Variants in GABRA2 observed in about 807,000 individuals in gnomAD.
GABRA2 encodes the protein gamma-aminobutyric acid type A receptor subunit alpha2, also known as gamma-aminobutyric acid receptor subunit alpha-2.
GABRA2 carries 16 observed loss-of-function variants against 48.7 expected under a neutral mutation model. That is an observed-to-expected ratio of 0.33 (90% CI 0.22 to 0.50). GABRA2 has a LOEUF of 0.50. Among genes scored for constraint, GABRA2 ranks in the 20% least tolerant of loss-of-function variants. The pLI is 0.98. For synonymous variants in GABRA2, 185 were observed against 184.5 expected (o/e 1.00, Z -0.02); for missense variants, 275 against 535.6 (o/e 0.51, Z 4.80).
intron 3 of GABRA2, among the ~76,000 whole-genome samples, chr4:46,381,611 GC>G: frequency 6.6e-6 from 1 of 152,102 alleles, no homozygotes; most frequent in East Asian, 1.9e-4. Context: ...ATGTCACATT[GC>G]ACTTTCTTAA....
chr4:46,253,936 CT>C (rs1373097291), intron 9 of GABRA2, among the ~76,000 whole-genome samples: 1 of 151,468 alleles, frequency 6.6e-6, no homozygotes, highest in African/African-American at 2.4e-5. Flanking sequence ...GACTGTTTCT[CT>C]TTGTTTAAAA....
chr4:46,341,285 T>C (rs1733178948), intron 3 of GABRA2, among the ~76,000 whole-genome samples: 1 of 152,010 alleles, frequency 6.6e-6, no homozygotes. Context: ...TATTTTCCTG[T>C]TTCTTTTCAT....
At chr4:46,378,002 G>A (rs1296967635) in intron 3 of GABRA2, among the ~76,000 whole-genome samples, 44 of 148,502 alleles carry the variant, frequency 3.0e-4, no homozygotes, top group Admixed American at 8.7e-4. Context: ...TCAGCCCCCC[G>A]CCCGGCCAGC....
chr4:46,326,279 G>A (rs1483796358), intron 4 of GABRA2, among the ~76,000 whole-genome samples: 1 of 151,842 alleles, frequency 6.6e-6, no homozygotes, highest in Non-Finnish European at 1.5e-5. Context: ...AATGAATGGA[G>A]TCAAATTACT....
At chr4:46,378,866 C>T (rs545898504) in intron 3 of GABRA2, among the ~76,000 whole-genome samples, 5 of 151,950 alleles carry the variant, frequency 3.3e-5, no homozygotes, top group African/African-American at 9.7e-5. Flanking sequence ...CTGGGCCATG[C>T]ACTTTACTGA....
chr4:46,316,556 T>C (rs1181737240), intron 4 of GABRA2, among the ~76,000 whole-genome samples: 1 of 152,006 alleles, frequency 6.6e-6, no homozygotes. Flanking sequence ...AATAACAAGA[T>C]ATTTTTAAAT....
At chr4:46,260,262 AAAC>A (rs1182193555) in intron 9 of GABRA2, among the ~76,000 whole-genome samples, 1 of 151,908 alleles carries the variant, frequency 6.6e-6, no homozygotes, top group Non-Finnish European at 1.5e-5. Flanking sequence ...AAAATAACAT[AAAC>A]AACGTTAATT....
chr4:46,292,956 A>T (rs1174260073), intron 8 of GABRA2, among the ~76,000 whole-genome samples: 1 of 152,136 alleles, frequency 6.6e-6, no homozygotes, highest in Non-Finnish European at 1.5e-5. Context: ...TATAATGGGA[A>T]TAATTGGATC....
chr4:46,355,933 T>G (rs529859866), intron 3 of GABRA2, among the ~76,000 whole-genome samples: 2 of 152,328 alleles, frequency 1.3e-5, no homozygotes, highest in South Asian at 4.1e-4. Context: ...CTCTTGTTTA[T>G]ATTTCTCAAT....
At chr4:46,256,369 A>T in intron 9 of GABRA2, 2 of 650,554 alleles carry the variant, frequency 3.1e-6, no homozygotes, top group Admixed American at 2.2e-5. Context: ...CTTTTATTGA[A>T]GGGGACTACA....
At chr4:46,386,544 T>G (rs1468713342) in intron 2 of GABRA2, among the ~76,000 whole-genome samples, 2 of 152,236 alleles carry the variant, frequency 1.3e-5, no homozygotes, top group East Asian at 3.8e-4. Context: ...TATTCTACAG[T>G]TAGAAAATTC....
chr4:46,280,053 T>TAAAA (rs75721400), intron 8 of GABRA2, among the ~76,000 whole-genome samples: 81 of 150,944 alleles, frequency 5.4e-4, no homozygotes, highest in African/African-American at 1.1e-3. Context: ...AGTTTTTTTT[T>TAAAA]AAAAAATGAG....
At chr4:46,256,702 T>G (rs748537835) in intron 9 of GABRA2, among the ~76,000 whole-genome samples, 4 of 151,628 alleles carry the variant, frequency 2.6e-5, no homozygotes, top group Non-Finnish European at 4.4e-5. Context: ...TTTTCTAATT[T>G]TATTTCTATT....
chr4:46,330,674 A>G (rs1731203743), intron 4 of GABRA2, among the ~76,000 whole-genome samples: 1 of 151,486 alleles, frequency 6.6e-6, no homozygotes, highest in African/African-American at 2.4e-5. Flanking sequence ...AGTAACTGCT[A>G]CTACTGAAAT....
In GABRA2 at chr4:46,301,802, T is replaced by A. The variant is rs908162891; in HGVS notation, c.856+1658A>T. 5.3e-5 allele frequency among the ~76,000 whole-genome samples: 8 copies of A among 152,206 alleles called. No individual in the cohort carries two copies. In the East Asian group the frequency reaches 1.5e-3, roughly 29 times the overall value. On this transcript the variant is annotated intron_variant, in intron 8 of 9. Transcript: ENST00000381620. ...CCATCCCCTATACCAAGTAATTGAA[T>A]TCACTGACTATATTTTACCATATTT...
At chr4:46,339,146 G>A (rs180864598) in intron 3 of GABRA2, among the ~76,000 whole-genome samples, 138 of 151,782 alleles carry the variant, frequency 9.1e-4, no homozygotes, top group African/African-American at 3.1e-3. Context: ...ATTTATTATT[G>A]TTTTCTGTTT....
intron 8 of GABRA2, among the ~76,000 whole-genome samples, chr4:46,263,912 T>TTC (rs3068324): frequency 0.031 from 4,463 of 145,006 alleles, 127 homozygotes; most frequent in East Asian, 0.15. Flanking sequence ...ATTAGATCAA[T>TTC]TCTCTCTCTC....
At position 46,306,971 on chromosome 4, in the gene GABRA2, T is replaced by G. The variant is rs1400373006; in HGVS notation, c.560-1260A>C. ...GCAATGTTGTCTGGTTTTCTGAATGTTGCTACTAAATGTTAGTATCAGTGA... is the reference window on the plus strand; with the variant it reads ...GCAATGTTGTCTGGTTTTCTGAATGGTGCTACTAAATGTTAGTATCAGTGA... On this transcript the variant is annotated intron_variant, in intron 6 of 9. Coordinates refer to ENST00000381620, the MANE Select transcript of GABRA2 (RefSeq NM_000807.4). Among the ~76,000 whole-genome samples, 6 of 152,290 alleles carry G rather than the reference T, an allele frequency of 3.9e-5. 1 individual carries two copies. The highest frequency in any genetic ancestry group is 1.4e-4 in the African/African-American group (6 of 41,572).
chr4:46,373,700 T>A (rs1715274910), intron 3 of GABRA2, among the ~76,000 whole-genome samples: 1 of 152,148 alleles, frequency 6.6e-6, no homozygotes, highest in South Asian at 2.1e-4. Context: ...TAAAAGTGAC[T>A]CTACATTAAC....
Sources: gnomAD v4.1 joint callset for allele counts (sites outside exome capture counted in the v4.1 genomes callset) on GRCh38, gnomAD v4.1.1 for gene constraint, MANE v1.5 for transcripts, NCBI Gene and HGNC (gene_info 2026-07-23, HGNC 2026-07-21) for gene names.